Variants in NOL4 observed in about 807,000 individuals in gnomAD.
The protein encoded by NOL4 is nucleolar protein 4.
Under a neutral mutation model 75.9 loss-of-function variants are expected in NOL4, and 17 were observed. The observed-to-expected ratio is 0.22, with a 90% CI of 0.15 to 0.34. NOL4 has a LOEUF of 0.34. Among genes scored for constraint, NOL4 ranks in the 10% least tolerant of loss-of-function variants. The pLI is 1.00. For synonymous variants in NOL4, 292 were observed against 289.9 expected (o/e 1.01, Z -0.07); for missense variants, 614 against 793.5 (o/e 0.77, Z 2.72).
intron 1 of NOL4, among the ~76,000 whole-genome samples, chr18:34,197,614 A>G (rs908786952): frequency 3.3e-5 from 5 of 152,036 alleles, no homozygotes; most frequent in African/African-American, 1.2e-4. Context: ...AGGGACATAA[A>G]CACTAAGAAG....
At chr18:34,145,318 A>T (rs1488986798) in intron 1 of NOL4, among the ~76,000 whole-genome samples, 1 of 152,080 alleles carries the variant, frequency 6.6e-6, no homozygotes, top group East Asian at 1.9e-4. Context: ...TATCAATCAG[A>T]TATTCTAATG....
At chr18:34,055,058 T>G (rs2076779252) in intron 5 of NOL4, among the ~76,000 whole-genome samples, 1 of 151,174 alleles carries the variant, frequency 6.6e-6, no homozygotes, top group African/African-American at 2.4e-5. Flanking sequence ...TTGTCCCTAC[T>G]TTTATGTTAT....
chr18:34,080,201 C>T (rs1478709202), intron 5 of NOL4, among the ~76,000 whole-genome samples: 2 of 152,146 alleles, frequency 1.3e-5, no homozygotes, highest in Admixed American at 6.5e-5. Context: ...GCATTTGCAG[C>T]TCCTCCATCC....
At chr18:34,103,716 T>C (rs2079142344) in intron 4 of NOL4, among the ~76,000 whole-genome samples, 1 of 152,028 alleles carries the variant, frequency 6.6e-6, no homozygotes, top group Non-Finnish European at 1.5e-5. Context: ...GAATCTCAAT[T>C]ATTTCGGATA....
chr18:34,088,361 A>C (rs558829756), intron 5 of NOL4, among the ~76,000 whole-genome samples: 1 of 152,182 alleles, frequency 6.6e-6, no homozygotes, highest in East Asian at 1.9e-4. Flanking sequence ...TAGGAAAGGG[A>C]ATACATTTTT....
Position 34,009,294 on chromosome 18 carries a change from A to G in NOL4, c.1056+10024T>C, listed in dbSNP as rs752138005. Among the ~76,000 whole-genome samples, 42 of 152,094 alleles carry G rather than the reference A, an allele frequency of 2.8e-4. 1 individual carries two copies. The highest frequency in any genetic ancestry group is 2.7e-3 in the South Asian group (13 of 4,826). On this transcript the variant is annotated intron_variant, in intron 6 of 10. Coordinates refer to ENST00000261592, the MANE Select transcript of NOL4 (RefSeq NM_003787.5). ...AGATTCCTGGATAATAAGTGTAACT[A>G]AAAGGAAATAAGGAAGAAGGGACAA...
intron 1 of NOL4, among the ~76,000 whole-genome samples, chr18:34,198,222 T>G (rs2146459035): frequency 6.6e-6 from 1 of 152,046 alleles, no homozygotes; most frequent in Non-Finnish European, 1.5e-5. Context: ...TATTAGTTTC[T>G]ACTTTTTTTA....
chr18:34,129,697 T>C (rs755622290), intron 2 of NOL4, among the ~76,000 whole-genome samples, 174 bp downstream of exon 2: 10 of 151,938 alleles, frequency 6.6e-5, no homozygotes, highest in Non-Finnish European at 1.3e-4. Flanking sequence ...ATTATATGAA[T>C]AGACTAGTGA....
chr18:33,860,234 C>A (rs913811826), intron 10 of NOL4, among the ~76,000 whole-genome samples: 1 of 152,054 alleles, frequency 6.6e-6, no homozygotes, highest in Non-Finnish European at 1.5e-5. Context: ...ATGGGAATTA[C>A]AATTTGAGAG....
At chr18:33,974,058 T>C (rs1289000869) in intron 6 of NOL4, among the ~76,000 whole-genome samples, 3 of 152,184 alleles carry the variant, frequency 2.0e-5, no homozygotes, top group African/African-American at 4.8e-5. Flanking sequence ...GGCTATCTTG[T>C]CTACATTGAA....
intron 5 of NOL4, among the ~76,000 whole-genome samples, chr18:34,046,618 A>ATATATATATATATATATATATATC (rs1304850540): frequency 8.7e-6 from 1 of 114,416 alleles, no homozygotes; most frequent in Admixed American, 8.2e-5. Context: ...ATATATATAT[A>ATATATATATATATATATATATATC]TATATATATA....
At chr18:33,946,530 TA>T (rs1568108256) in intron 8 of NOL4, among the ~76,000 whole-genome samples, 1 of 151,766 alleles carries the variant, frequency 6.6e-6, no homozygotes, top group African/African-American at 2.4e-5. Context: ...TTGGGAGTTA[TA>T]ATCCCTAGTG....
chr18:34,104,920 A>G (rs2079199095), intron 3 of NOL4, 129 bp downstream of exon 3: 2 of 565,488 alleles, frequency 3.5e-6, no homozygotes, highest in Non-Finnish European at 6.3e-6. Flanking sequence ...ACTGCCTCCT[A>G]CTTGAATAAA....
At chr18:34,097,535 T>C (rs1026008118) in intron 4 of NOL4, among the ~76,000 whole-genome samples, 16 of 152,242 alleles carry the variant, frequency 1.1e-4, no homozygotes, top group Admixed American at 1.0e-3. Flanking sequence ...GGAATTGCTC[T>C]ATAATATTCT....
At chr18:34,036,975 G>C (rs532218405) in intron 5 of NOL4, among the ~76,000 whole-genome samples, 2 of 152,194 alleles carry the variant, frequency 1.3e-5, no homozygotes, top group South Asian at 4.2e-4. Context: ...CAAAAACAAA[G>C]AAGGTAAAAT....
At chr18:34,217,131 C>A (rs1195695771) in intron 1 of NOL4, among the ~76,000 whole-genome samples, 1 of 151,776 alleles carries the variant, frequency 6.6e-6, no homozygotes, top group Non-Finnish European at 1.5e-5. Flanking sequence ...TTATTTCTTT[C>A]CTTTTCATTT....
At position 34,201,390 on chromosome 18, in the gene NOL4, A is replaced by C. The variant is rs578051586; in HGVS notation, c.264+21600T>G. 3.4e-4 allele frequency among the ~76,000 whole-genome samples: 52 copies of C among 151,960 alleles called. 1 individual carries two copies. The highest frequency in any genetic ancestry group is 9.2e-4 in the Admixed American group (14 of 15,204). ...GCCAACACATGACAGAGCTGGAAAT[A>C]AAACTAAGGCAGTTGCATGCCTTTA... On this transcript the variant is annotated intron_variant, in intron 1 of 10. Coordinates refer to ENST00000261592, the MANE Select transcript of NOL4 (RefSeq NM_003787.5).
chr18:33,958,374 C>G lies in NOL4; in HGVS notation c.1101G>C (p.Glu367Asp). 6.2e-7 allele frequency: 1 copy of G among 1,613,494 alleles called. No homozygotes were observed. Reference sequence around the variant, plus strand: ...GGTCCTCAGCTCCTCGGTCTACACTCTCATTTTTGCCAGAGTCATAGCTGG... The same window carrying G: ...GGTCCTCAGCTCCTCGGTCTACACTGTCATTTTTGCCAGAGTCATAGCTGG... ...SYSSYDSGKNESVDRGAEDLS... is the reference protein window; with the variant it reads ...SYSSYDSGKNDSVDRGAEDLS... Residue 367 changes from glutamate (E) to aspartate (D), a missense_variant, in exon 7 of 11, where the codon GAG becomes GAC. By Grantham distance (45) the Glu-to-Asp change is conservative (BLOSUM62 2). Transcript: ENST00000261592.
At chr18:34,095,339 GA>G (rs1203090224) in intron 4 of NOL4, among the ~76,000 whole-genome samples, 1 of 150,722 alleles carries the variant, frequency 6.6e-6, no homozygotes, top group Non-Finnish European at 1.5e-5. Context: ...TAACAATGTG[GA>G]CTTGTTACTA....
Sources: gnomAD v4.1 joint callset for allele counts (sites outside exome capture counted in the v4.1 genomes callset) on GRCh38, gnomAD v4.1.1 for gene constraint, MANE v1.5 for transcripts, NCBI Gene and HGNC (gene_info 2026-07-23, HGNC 2026-07-21) for gene names.